The following STK32B variants were observed in gnomAD, a reference collection of about 807,000 sequenced individuals.
The protein encoded by STK32B is serine/threonine kinase 32B, also known as serine/threonine-protein kinase 32B.
A neutral mutation model predicts 52.6 loss-of-function variants in STK32B; 43 were observed. The ratio of observed to expected loss-of-function variants is 0.82; its 90% CI spans 0.64 to 1.05. The LOEUF (loss-of-function observed/expected upper bound fraction) is 1.05. STK32B is among the 50% of genes least tolerant of loss of function. STK32B has a pLI of 0.00. For missense variants in STK32B, 621 were observed against 534.6 expected (o/e 1.16, Z -1.59); for synonymous variants, 238 against 204.3 (o/e 1.17, Z -1.41).
intron 3 of STK32B, among the ~76,000 whole-genome samples, chr4:5,204,430 TTTTTTGTTTG>T (rs1370663360): frequency 9.2e-5 from 14 of 151,638 alleles, no homozygotes; most frequent in African/African-American, 3.4e-4. Context: ...TTTTTAGGTT[TTTTTTGTTTG>T]TTTTTGTTTT....
chr4:5,038,503 T>C, the STK32B span, among the ~76,000 whole-genome samples: 2 of 152,252 alleles, frequency 1.3e-5, no homozygotes, highest in African/African-American at 4.8e-5. Context: ...CTAGGCTGCA[T>C]GGTCTAGCCT....
intron 1 of STK32B, among the ~76,000 whole-genome samples, chr4:5,053,621 T>C (rs1741875460): frequency 6.6e-6 from 1 of 152,176 alleles, no homozygotes; most frequent in Non-Finnish European, 1.5e-5. Flanking sequence ...GATTTTCCTG[T>C]TCCTGTTCCT....
chr4:5,477,653 T>G (rs568567824), intron 11 of STK32B, among the ~76,000 whole-genome samples: 78 of 152,290 alleles, frequency 5.1e-4, no homozygotes, highest in African/African-American at 1.8e-3. Context: ...TGCTTCTCAC[T>G]CCACTCCATA....
At position 5,380,664 on chromosome 4, in the gene STK32B, C is replaced by A. The variant is rs1283269259; in HGVS notation, c.435-17543C>A. Among the ~76,000 whole-genome samples the A allele has an allele frequency of 6.6e-6, 1 of 152,172 alleles. No homozygotes were observed. The highest frequency in any genetic ancestry group is 2.4e-5 in the African/African-American group (1 of 41,436). ...ACAAGGCCCCACATGAAGGAGGGTC[C>A]GTGTTTGATTTAATGCCCGGTACTT... On this transcript the variant is annotated intron_variant, in intron 4 of 11. Transcript: ENST00000282908. This position sits in a 1 kb window ranked among gnomAD's most constrained non-coding sequence, Gnocchi z 4.3.
rs193263121 is a variant in STK32B at position 5,192,703 on chromosome 4, C to G, written c.260+24253C>G. Among the ~76,000 whole-genome samples the G allele has an allele frequency of 3.0e-3, 458 of 151,064 alleles. 1 individual carries two copies. Among genetic ancestry groups the G allele is most frequent in the African/African-American group, 0.01 (430 of 41,078 alleles). On this transcript the variant is annotated intron_variant, in intron 3 of 11. Transcript: ENST00000282908. Reference sequence around the variant, plus strand: ...TCAAGCTGATTAACCCATCCACCACCTCACACAGTCACCTTTTTTGTGTGT... The same window carrying G: ...TCAAGCTGATTAACCCATCCACCACGTCACACAGTCACCTTTTTTGTGTGT...
intron 3 of STK32B, among the ~76,000 whole-genome samples, chr4:5,223,816 CA>C (rs1230344719): frequency 0.019 from 1,913 of 100,674 alleles, 18 homozygotes; most frequent in African/African-American, 0.049. Flanking sequence ...GACTCCGTTT[CA>C]AAAAAAAAAA....
intron 11 of STK32B, among the ~76,000 whole-genome samples, chr4:5,485,057 G>A (rs7678903): frequency 0.15 from 22,089 of 151,472 alleles, 3,647 homozygotes; most frequent in African/African-American, 0.41. Context: ...GAATCTGACA[G>A]TTATGTGTCT....
chr4:5,455,610 C>T (rs1445231526), intron 7 of STK32B, among the ~76,000 whole-genome samples: 1 of 152,104 alleles, frequency 6.6e-6, no homozygotes, highest in Non-Finnish European at 1.5e-5. Context: ...TACCTGGAAA[C>T]CCCAAACCCA....
At chr4:5,451,493 C>T (rs1159929774) in intron 7 of STK32B, among the ~76,000 whole-genome samples, 2 of 152,174 alleles carry the variant, frequency 1.3e-5, no homozygotes, top group African/African-American at 4.8e-5. Context: ...TCATATTATA[C>T]ATAGAACCAC....
At chr4:5,153,118 C>T (rs138548281) in intron 2 of STK32B, among the ~76,000 whole-genome samples, 124 of 152,298 alleles carry the variant, frequency 8.1e-4, no homozygotes, top group African/African-American at 2.5e-3. Context: ...ACAGAAGTGA[C>T]GTTGAAACTG....
At chr4:5,099,081 AC>A (rs1313492210) in intron 1 of STK32B, among the ~76,000 whole-genome samples, 1 of 152,070 alleles carries the variant, frequency 6.6e-6, no homozygotes, top group African/African-American at 2.4e-5. Flanking sequence ...CTAGGGGAGA[AC>A]CTATTCATTG....
chr4:5,234,216 T>C (rs1013760122), intron 3 of STK32B, among the ~76,000 whole-genome samples: 2 of 152,260 alleles, frequency 1.3e-5, no homozygotes, highest in African/African-American at 4.8e-5. Context: ...TCAACTCTGC[T>C]ACTAACTAGC....
At chr4:5,368,659 G>A (rs942782090) in intron 4 of STK32B, among the ~76,000 whole-genome samples, 1 of 152,232 alleles carries the variant, frequency 6.6e-6, no homozygotes, top group Non-Finnish European at 1.5e-5. Context: ...TGAGTCATGA[G>A]TGAGTTCTTA....
chr4:5,319,449 G>T (rs553191409), intron 3 of STK32B, among the ~76,000 whole-genome samples: 1 of 152,306 alleles, frequency 6.6e-6, no homozygotes, highest in Non-Finnish European at 1.5e-5. Context: ...ACTTTCTCCT[G>T]TTTCCAAATC....
chr4:5,205,475 G>A (rs1310083057), intron 3 of STK32B, among the ~76,000 whole-genome samples: 3 of 152,214 alleles, frequency 2.0e-5, no homozygotes, highest in Non-Finnish European at 4.4e-5. Flanking sequence ...CACAGAGACA[G>A]GGAGGAGGGG....
intron 3 of STK32B, among the ~76,000 whole-genome samples, chr4:5,266,158 G>T (rs538866712): frequency 6.6e-6 from 1 of 152,288 alleles, no homozygotes; most frequent in South Asian, 2.1e-4. Flanking sequence ...AATTTTATCA[G>T]TGATTTCTCT....
intron 1 of STK32B, among the ~76,000 whole-genome samples, chr4:5,100,029 A>G (rs946433388): frequency 6.6e-6 from 1 of 152,156 alleles, no homozygotes; most frequent in Non-Finnish European, 1.5e-5. Flanking sequence ...GAATAGGTCA[A>G]ATAGAAATCA....
chr4:5,442,418 G>T (rs1267933226), intron 6 of STK32B, among the ~76,000 whole-genome samples: 1 of 151,734 alleles, frequency 6.6e-6, no homozygotes, highest in Non-Finnish European at 1.5e-5. Context: ...CAGAGACTAG[G>T]ATTGCAACCC....
At chr4:5,382,035 G>T (rs559656343) in intron 4 of STK32B, among the ~76,000 whole-genome samples, 2 of 152,180 alleles carry the variant, frequency 1.3e-5, no homozygotes, top group Non-Finnish European at 2.9e-5. Context: ...CTGCTGGCAC[G>T]ATTCCCCCTT....
Sources: gnomAD v4.1 joint callset for allele counts (sites outside exome capture counted in the v4.1 genomes callset) on GRCh38, gnomAD v4.1.1 for gene constraint, Gnocchi (gnomAD v3.1) non-coding constraint, MANE v1.5 for transcripts, NCBI Gene and HGNC (gene_info 2026-07-23, HGNC 2026-07-21) for gene names.